ETHE1: variants seen among roughly 807,000 people sequenced by gnomAD.
ETHE1 encodes ETHE1 persulfide dioxygenase.
In ETHE1, 16 loss-of-function variants were observed where a neutral mutation model predicts 25.7. That is an observed-to-expected ratio of 0.62 (90% CI 0.42 to 0.95). The LOEUF is 0.95. ETHE1 is among the 40% of genes least tolerant of loss of function. The pLI is 0.00. For missense variants in ETHE1, 300 were observed against 333.6 expected, an observed-to-expected ratio of 0.90 and a Z score of 0.79; for synonymous variants, 139 against 135.9, an observed-to-expected ratio of 1.02 and a Z score of -0.16.
intron 6 of ETHE1, among the ~76,000 whole-genome samples, chr19:43,507,138 T>G: frequency 2.7e-5 from 1 of 37,352 alleles, no homozygotes; most frequent in East Asian, 6.7e-4. Flanking sequence ...CCCCAGCCCC[T>G]CCTCCCTCAG....
intron 4 of ETHE1, among the ~76,000 whole-genome samples, chr19:43,510,017 G>C (rs770428735): frequency 1.3e-5 from 2 of 152,172 alleles, no homozygotes; most frequent in Non-Finnish European, 2.9e-5. Flanking sequence ...CAGAGACTGA[G>C]ATGCAGAGAT....
chr19:43,508,151 C>T, intron 5 of ETHE1, 91 bp from the exon 6 acceptor site: 1 of 1,568,872 alleles, frequency 6.4e-7, no homozygotes. Context: ...GGGTGCCTCT[C>T]TGGCAGGGGC....
chr19:43,511,184 C>T (rs1971907495), intron 4 of ETHE1, among the ~76,000 whole-genome samples: 2 of 152,030 alleles, frequency 1.3e-5, no homozygotes, highest in Non-Finnish European at 1.5e-5. Context: ...ATAAAGTGCA[C>T]AATAAATGTA....
Position 43,526,664 on chromosome 19 carries a change from G to A in ETHE1, c.82-5C>T. The A allele has an allele frequency of 6.2e-7, 1 of 1,613,256 alleles. No homozygotes were observed. The highest frequency in any genetic ancestry group is 8.5e-7 in the Non-Finnish European group (1 of 1,180,022). ...GCAGCTCACAGGCTCGAACATCTGG[G>A]AACGGGGGACCCAGGTGAGGGCGCA... On this transcript the variant is annotated splice_region_variant and splice_polypyrimidine_tract_variant and intron_variant, in intron 1 of 6. Transcript: ENST00000292147.
chr19:43,519,877 T>C (rs1972105547), intron 3 of ETHE1, among the ~76,000 whole-genome samples: 1 of 152,106 alleles, frequency 6.6e-6, no homozygotes, highest in Admixed American at 6.6e-5. Context: ...GTTTAATTTA[T>C]AAATTAGGCA....
rs771413307 is a variant in ETHE1, at chr19:43,508,005, G to C, written c.651C>G (p.Leu217=). 1 of 1,614,188 alleles carries C rather than the reference G, an allele frequency of 6.2e-7. No homozygotes were observed. Among genetic ancestry groups the C allele is most frequent in the Non-Finnish European group, 8.5e-7 (1 of 1,180,038 alleles). ...EERTLNPRLT[L]SCEEFVKIMG... is the part of the protein sequence containing the mutation. ...TGATTTTGACAAACTCCTCACAGCTGAGGGTGAGCCGAGGGTTCAGAGTCC... is the reference window on the plus strand; with the variant it reads ...TGATTTTGACAAACTCCTCACAGCTCAGGGTGAGCCGAGGGTTCAGAGTCC... Residue 217 remains leucine, a synonymous_variant, in exon 6 of 7, where the codon CTC becomes CTG. Transcript: ENST00000292147.
At position 43,526,349 on chromosome 19, in the gene ETHE1, A is replaced by G. The variant is rs745576162; in HGVS notation, c.227T>C (p.Val76Ala). 4.2e-5 allele frequency: 68 copies of G among 1,613,946 alleles called. No homozygotes were observed. The highest frequency in any genetic ancestry group is 3.3e-5 in the Admixed American group (2 of 59,990). Reference protein sequence around the residue: ...KELGLRLLYAVNTHCHADHIT... With the variant: ...KELGLRLLYAANTHCHADHIT... ...GTGGTCCGCGTGGCAGTGGGTATTC[A>G]CTGGGAGAGAGAGGAGGGACAGGTC... Residue 76 changes from valine (V) to alanine (A), a missense_variant and splice_region_variant, in exon 3 of 7, where the codon GTG becomes GCG. Physicochemically the swap from Val to Ala is moderately conservative, Grantham distance 64. Coordinates refer to ENST00000292147, the MANE Select transcript of ETHE1 (RefSeq NM_014297.5).
intron 4 of ETHE1, among the ~76,000 whole-genome samples, chr19:43,510,337 T>C (rs1327635867): frequency 1.1e-5 from 1 of 92,552 alleles, no homozygotes; most frequent in Non-Finnish European, 2.5e-5. Flanking sequence ...TTTTTTATCT[T>C]TTTTTTTTTT....
At chr19:43,527,002 TC>T (rs1363214300) in intron 1 of ETHE1, 94 bp downstream of exon 1, 1 of 1,535,146 alleles carries the variant, frequency 6.5e-7, no homozygotes, top group South Asian at 1.2e-5. Context: ...CAGGCGTGGG[TC>T]CCCCCGGATC....
intron 3 of ETHE1, among the ~76,000 whole-genome samples, chr19:43,524,663 G>T (rs994484858): frequency 6.6e-6 from 1 of 152,056 alleles, no homozygotes; most frequent in Admixed American, 6.6e-5. Context: ...AATTAGCCAG[G>T]TATGGTGGCA....
chr19:43,518,693 G>A (rs553786154), intron 3 of ETHE1, among the ~76,000 whole-genome samples: 44 of 146,096 alleles, frequency 3.0e-4, no homozygotes, highest in African/African-American at 1.0e-3. Flanking sequence ...GGAGCTTGCA[G>A]TGAGCCGAGA....
chr19:43,526,340 T>TA lies in ETHE1; in HGVS notation c.235_236insT (p.His79LeufsTer28). The TA allele has an allele frequency of 6.2e-7, 1 of 1,613,982 alleles. No individual in the cohort carries two copies. Among genetic ancestry groups the TA allele is most frequent in the Non-Finnish European group, 8.5e-7 (1 of 1,179,980 alleles). On this transcript the variant is annotated frameshift_variant, in exon 3 of 7. Coordinates refer to ENST00000292147, the MANE Select transcript of ETHE1 (RefSeq NM_014297.5). LOFTEE classifies it high-confidence loss of function. ...GCCTGTAATGTGGTCCGCGTGGCAG[T>TA]GGGTATTCACTGGGAGAGAGAGGAG...
At chr19:43,526,134 T>C (rs1214625912) in intron 3 of ETHE1, 67 bp downstream of exon 3, 7 of 1,610,828 alleles carry the variant, frequency 4.3e-6, no homozygotes, top group Non-Finnish European at 5.1e-6. Context: ...AGGCCCCCAG[T>C]CCCCTCTTCC....
chr19:43,508,944 G>A (rs1599984923), intron 4 of ETHE1, 80 bp from the exon 5 acceptor site: 6 of 1,084,156 alleles, frequency 5.5e-6, no homozygotes, highest in Middle Eastern at 2.0e-4. Flanking sequence ...AGGGTAGGAG[G>A]ATAAAATCAC....
intron 3 of ETHE1, among the ~76,000 whole-genome samples, chr19:43,520,989 G>A (rs1013117819): frequency 2.6e-5 from 4 of 151,858 alleles, no homozygotes; most frequent in Admixed American, 1.3e-4. Flanking sequence ...TTTCTGATTC[G>A]GCCACCCTGT....
At chr19:43,512,491 C>G (rs1163739133) in intron 3 of ETHE1, among the ~76,000 whole-genome samples, 1 of 152,052 alleles carries the variant, frequency 6.6e-6, no homozygotes, top group Non-Finnish European at 1.5e-5. Context: ...TTGCCCCTGC[C>G]CTAGAGATCT....
At chr19:43,509,722 G>A (rs576416703) in intron 4 of ETHE1, among the ~76,000 whole-genome samples, 2 of 152,270 alleles carry the variant, frequency 1.3e-5, no homozygotes, top group East Asian at 3.9e-4. Context: ...CGTGAACCCA[G>A]GAGGCAGAGC....
chr19:43,525,154 G>GAAAAA (rs71890992), intron 3 of ETHE1, among the ~76,000 whole-genome samples: 1 of 134,080 alleles, frequency 7.5e-6, no homozygotes. Context: ...AAGAAAGAAA[G>GAAAAA]AAAAAAAAAA....
intron 3 of ETHE1, among the ~76,000 whole-genome samples, chr19:43,515,821 C>G (rs1972009031): frequency 6.6e-6 from 1 of 152,142 alleles, no homozygotes; most frequent in Non-Finnish European, 1.5e-5. Context: ...GGTGATTCAC[C>G]CGCCTCAGGC....
Sources: allele counts gnomAD v4.1 joint callset (sites outside exome capture counted in the v4.1 genomes callset), GRCh38; gene constraint gnomAD v4.1.1; transcripts MANE v1.5; gene names NCBI Gene and HGNC (gene_info 2026-07-23, HGNC 2026-07-21).